Variants in WWC2 observed in about 807,000 individuals in gnomAD.
WWC2 encodes WW and C2 domain containing 2.
A neutral mutation model predicts 138.5 loss-of-function variants in WWC2; 101 were observed. The ratio of observed to expected loss-of-function variants is 0.73; its 90% CI spans 0.62 to 0.86. The LOEUF is 0.86. Among genes scored for constraint, WWC2 ranks in the 40% least tolerant of loss-of-function variants. The pLI is 0.00. For missense variants in WWC2, 1,420 were observed against 1,419.4 expected (o/e 1.00, Z -0.01); for synonymous variants, 558 against 538.4 (o/e 1.04, Z -0.50).
At chr4:183,144,727 C>T (rs1187404216) in intron 1 of WWC2, among the ~76,000 whole-genome samples, 1 of 152,180 alleles carries the variant, frequency 6.6e-6, no homozygotes, top group African/African-American at 2.4e-5. Flanking sequence ...AGTTTTCATA[C>T]TCATTGTTTA....
At chr4:183,112,483 C>T (rs1356098501) in intron 1 of WWC2, among the ~76,000 whole-genome samples, 12 of 152,208 alleles carry the variant, frequency 7.9e-5, no homozygotes. Flanking sequence ...CCAGTAACCT[C>T]CATAATTTGT....
chr4:183,105,889 TAAA>T (rs776622580), intron 1 of WWC2, among the ~76,000 whole-genome samples: 5 of 135,158 alleles, frequency 3.7e-5, no homozygotes, highest in Non-Finnish European at 4.8e-5. Context: ...GACTCTGTCT[TAAA>T]AAAAAAAAAA....
chr4:183,163,043 C>T (rs1259008752), intron 1 of WWC2, among the ~76,000 whole-genome samples: 5 of 152,062 alleles, frequency 3.3e-5, no homozygotes, highest in African/African-American at 4.8e-5. Flanking sequence ...GATAAAACAG[C>T]GATTTCCATT....
chr4:183,304,619 A>G (rs1738964981), intron 21 of WWC2, among the ~76,000 whole-genome samples: 1 of 152,168 alleles, frequency 6.6e-6, no homozygotes. Flanking sequence ...TCCATGTGGA[A>G]GAAGGGGAGT....
chr4:183,253,698 G>A (rs961487763), intron 8 of WWC2, 59 bp from the exon 9 acceptor site: 3 of 1,571,558 alleles, frequency 1.9e-6, no homozygotes, highest in African/African-American at 1.4e-5. Context: ...CTTAGGCTGT[G>A]TTTACCTTTC....
intron 2 of WWC2, among the ~76,000 whole-genome samples, chr4:183,204,220 A>G (rs1735382617): frequency 6.6e-6 from 1 of 152,162 alleles, no homozygotes; most frequent in African/African-American, 2.4e-5. Flanking sequence ...CTTGTCAGTC[A>G]TTGGCTGCAG....
chr4:183,320,143 G>T lies in WWC2; in HGVS notation c.*4414G>T, dbSNP rs776722749. The T allele has an allele frequency of 9.9e-6, 16 of 1,613,994 alleles. No individual in the cohort carries two copies. The South Asian group carries it at 1.6e-4, about 17-fold the overall frequency. ...TTCCAGTGTGGCAGGTAGTTTGTAA[G>T]ACAGGATAAAACCCATCCCAGCAAA... On this transcript the variant is annotated 3_prime_UTR_variant, in exon 23 of 23. Transcript: ENST00000403733.
chr4:183,288,097 G>A (rs1485801279), intron 20 of WWC2, among the ~76,000 whole-genome samples: 1 of 152,204 alleles, frequency 6.6e-6, no homozygotes, highest in African/African-American at 2.4e-5. Flanking sequence ...TTCTTACTGT[G>A]TAATGCATTT....
At chr4:183,102,798 C>T (rs1306383139) in intron 1 of WWC2, among the ~76,000 whole-genome samples, 1 of 151,980 alleles carries the variant, frequency 6.6e-6, no homozygotes, top group Non-Finnish European at 1.5e-5. Context: ...CTTTTGCTCA[C>T]CATGGACCCT....
intron 21 of WWC2, among the ~76,000 whole-genome samples, chr4:183,305,860 G>T (rs557497304): frequency 1.4e-4 from 22 of 152,220 alleles, no homozygotes; most frequent in African/African-American, 5.1e-4. Flanking sequence ...GGTAAAATAA[G>T]AATTTTTCTT....
intron 21 of WWC2, among the ~76,000 whole-genome samples, chr4:183,305,332 G>T (rs1738990444): frequency 6.6e-6 from 1 of 152,036 alleles, no homozygotes; most frequent in African/African-American, 2.4e-5. Flanking sequence ...GGGAACAGAA[G>T]AAATATTTGA....
At chr4:183,105,444 C>T (rs1174279694) in intron 1 of WWC2, among the ~76,000 whole-genome samples, 4 of 152,192 alleles carry the variant, frequency 2.6e-5, no homozygotes, top group Non-Finnish European at 5.9e-5. Flanking sequence ...GGGGCATGGC[C>T]AGCTTCTTCT....
In WWC2 at chr4:183,319,412, G is replaced by A. The variant is rs770878452; in HGVS notation, c.*3683G>A. On this transcript the variant is annotated 3_prime_UTR_variant, in exon 23 of 23. Coordinates refer to ENST00000403733, the MANE Select transcript of WWC2 (RefSeq NM_024949.6). ...AAGATAAAAATGGTTTACCAGTCTT[G>A]GAAAGAAACTATAGTTTAATAGCCA... 2 of 919,404 alleles carry A rather than the reference G, an allele frequency of 2.2e-6. No homozygotes were observed. The highest frequency in any genetic ancestry group is 2.5e-5 in the Admixed American group (1 of 40,754). 57.0% of individuals were successfully genotyped at this position (919,404 alleles called of 1,614,324 possible). A position where few individuals can be genotyped will look rare whatever the true frequency, so the allele number is the denominator to read the frequency against.
At chr4:183,257,721 A>G (rs1188320836) in intron 9 of WWC2, among the ~76,000 whole-genome samples, 1 of 152,194 alleles carries the variant, frequency 6.6e-6, no homozygotes, top group Non-Finnish European at 1.5e-5. Flanking sequence ...TGGTGATAAC[A>G]TCAGAGACAA....
At chr4:183,127,558 G>T (rs972125435) in intron 1 of WWC2, among the ~76,000 whole-genome samples, 2 of 152,164 alleles carry the variant, frequency 1.3e-5, no homozygotes, top group South Asian at 4.1e-4. Flanking sequence ...CAAGTCTAGA[G>T]ACCTAATATA....
intron 11 of WWC2, 142 bp downstream of exon 11, chr4:183,261,674 G>A: frequency 9.9e-7 from 1 of 1,005,484 alleles, no homozygotes; most frequent in Non-Finnish European, 1.4e-6. Flanking sequence ...ATTTAAGAAG[G>A]AGCTTTTATT....
At chr4:183,285,056 A>G (rs982047260) in intron 19 of WWC2, among the ~76,000 whole-genome samples, 3 of 152,254 alleles carry the variant, frequency 2.0e-5, no homozygotes, top group Non-Finnish European at 4.4e-5. Flanking sequence ...GGATTCATCT[A>G]GAAACAAGAG....
chr4:183,195,615 A>G (rs776354267), intron 2 of WWC2, among the ~76,000 whole-genome samples: 1 of 152,218 alleles, frequency 6.6e-6, no homozygotes, highest in Non-Finnish European at 1.5e-5. Flanking sequence ...GTCTTAATGT[A>G]TAAACACTGG....
At chr4:183,143,435 A>G (rs1220843054) in intron 1 of WWC2, among the ~76,000 whole-genome samples, 2 of 152,224 alleles carry the variant, frequency 1.3e-5, no homozygotes, top group Admixed American at 1.3e-4. Context: ...TTAAGTATAG[A>G]TGAACCCTGT....
Sources: gnomAD v4.1 joint callset for allele counts (sites outside exome capture counted in the v4.1 genomes callset) on GRCh38, gnomAD v4.1.1 for gene constraint, MANE v1.5 for transcripts, NCBI Gene and HGNC (gene_info 2026-07-23, HGNC 2026-07-21) for gene names.